Variants in ABCG2 observed in about 807,000 individuals in gnomAD.
ABCG2 encodes the protein ATP binding cassette subfamily G member 2 (JR blood group), also known as broad substrate specificity ATP-binding cassette transporter ABCG2.
Under a neutral mutation model 73.5 loss-of-function variants are expected in ABCG2, and 80 were observed. The ratio of observed to expected loss-of-function variants is 1.09; its 90% CI spans 0.91 to 1.31. The LOEUF is 1.31. Among genes scored for constraint, ABCG2 ranks in the 50% most tolerant of loss-of-function variants. The probability of loss-of-function intolerance (pLI) is 0.00; values close to 1 mark genes in which losing one functional copy is unlikely to be tolerated. For missense variants in ABCG2, 796 were observed against 786.2 expected, an observed-to-expected ratio of 1.01 and a Z score of -0.15; for synonymous variants, 269 against 282.4, an observed-to-expected ratio of 0.95 and a Z score of 0.48.
chr4:88,205,581 C>T (rs1228563021), intron 1 of ABCG2, among the ~76,000 whole-genome samples: 2 of 152,196 alleles, frequency 1.3e-5, no homozygotes, highest in Non-Finnish European at 2.9e-5. Context: ...GGTCACCAGT[C>T]CCATCAGTTC....
At chr4:88,113,878 C>T (rs757774536) in intron 8 of ABCG2, among the ~76,000 whole-genome samples, 1 of 152,016 alleles carries the variant, frequency 6.6e-6, no homozygotes, top group African/African-American at 2.4e-5. Context: ...GCAAGAGAAT[C>T]GCTTGAACCA....
chr4:88,144,967 G>GAA (rs113016922), intron 1 of ABCG2, among the ~76,000 whole-genome samples: 1 of 143,888 alleles, frequency 6.9e-6, no homozygotes. Flanking sequence ...CTGAGAAGAG[G>GAA]AAAAAAAAAA....
chr4:88,111,262 T>C (rs1010612502), intron 9 of ABCG2, among the ~76,000 whole-genome samples: 1 of 152,244 alleles, frequency 6.6e-6, no homozygotes, highest in African/African-American at 2.4e-5. Flanking sequence ...ATTTCACTGT[T>C]GACAATAAGT....
Position 88,131,927 on chromosome 4 carries a change from G to A in ABCG2, c.264-10C>T. 1 of 1,596,634 alleles carries A rather than the reference G, an allele frequency of 6.3e-7. No homozygotes were observed. Among genetic ancestry groups the A allele is most frequent in the Non-Finnish European group, 8.6e-7 (1 of 1,164,480 alleles). On this transcript the variant is annotated splice_polypyrimidine_tract_variant and intron_variant, in intron 3 of 15. Coordinates refer to ENST00000237612, the MANE Select transcript of ABCG2 (RefSeq NM_004827.3). ...TAAGACATCTAATAACCTATAAGAG[G>A]ACATATATGTTGTGGGTCTAATAAC... is the stretch of plus-strand genomic sequence containing the variant.
chr4:88,231,424 C>T (rs1437355238), upstream of ABCG2: 4 of 152,128 alleles, frequency 2.6e-5, no homozygotes, highest in Non-Finnish European at 5.9e-5. Context: ...TTCTGGCATT[C>T]CTAGCAAGGG....
chr4:88,194,769 G>C (rs1728873502), intron 1 of ABCG2, among the ~76,000 whole-genome samples: 1 of 152,096 alleles, frequency 6.6e-6, no homozygotes, highest in African/African-American at 2.4e-5. Flanking sequence ...GAAAGCGCTT[G>C]GCATCTTGAA....
intron 1 of ABCG2, among the ~76,000 whole-genome samples, chr4:88,183,494 C>T (rs1251924021): frequency 1.3e-5 from 2 of 152,012 alleles, no homozygotes; most frequent in South Asian, 2.1e-4. Context: ...TGAATACACA[C>T]AACCAACTAA....
chr4:88,115,324 C>A (rs188630523), intron 7 of ABCG2, among the ~76,000 whole-genome samples: 102 of 143,810 alleles, frequency 7.1e-4, no homozygotes, highest in East Asian at 4.1e-4. Context: ...CCCTCTGTCA[C>A]CCAGGCTGGA....
intron 1 of ABCG2, among the ~76,000 whole-genome samples, chr4:88,192,333 C>T (rs1728723530): frequency 6.6e-6 from 1 of 152,042 alleles, no homozygotes; most frequent in African/African-American, 2.4e-5. Context: ...TATTTAAATT[C>T]ACTGGATTGT....
chr4:88,117,673 T>C (rs530830609), intron 7 of ABCG2, among the ~76,000 whole-genome samples: 3 of 152,252 alleles, frequency 2.0e-5, no homozygotes, highest in South Asian at 4.1e-4. Context: ...AGCATTTCCA[T>C]GAGTGCTCAT....
intron 1 of ABCG2, among the ~76,000 whole-genome samples, chr4:88,221,108 A>G (rs918534373): frequency 2.6e-5 from 4 of 152,124 alleles, no homozygotes; most frequent in Non-Finnish European, 5.9e-5. Context: ...ATCTCTACTA[A>G]TAATACAAAA....
intron 10 of ABCG2, among the ~76,000 whole-genome samples, chr4:88,105,142 A>G (rs1189497278): frequency 6.6e-6 from 1 of 152,242 alleles, no homozygotes. Context: ...TCACTCTGGT[A>G]AACTGCTGTT....
chr4:88,092,431 A>G (rs1272734852), intron 15 of ABCG2, 50 bp from the exon 16 acceptor site: 20 of 1,581,560 alleles, frequency 1.3e-5, no homozygotes, highest in African/African-American at 2.7e-5. Context: ...CATCCGTCAA[A>G]TGTTACTCAG....
chr4:88,170,904 G>T (rs1727730581), intron 1 of ABCG2, among the ~76,000 whole-genome samples: 1 of 152,148 alleles, frequency 6.6e-6, no homozygotes, highest in Non-Finnish European at 1.5e-5. Context: ...TACCATGAGG[G>T]TGTAAGACAT....
At chr4:88,140,169 C>A (rs1560706882) in intron 1 of ABCG2, among the ~76,000 whole-genome samples, 155 bp from the exon 2 acceptor site, 2 of 152,102 alleles carry the variant, frequency 1.3e-5, no homozygotes, top group Admixed American at 1.3e-4. Context: ...ATAAGAACAT[C>A]CTAAAAACCT....
chr4:88,144,426 TA>T (rs1293168619), intron 1 of ABCG2, among the ~76,000 whole-genome samples: 1 of 149,764 alleles, frequency 6.7e-6, no homozygotes, highest in African/African-American at 2.5e-5. Context: ...TGTTGCTTCC[TA>T]ACTAGCAAGG....
At chr4:88,159,564 T>TGTGAGTGA (rs3219191), upstream of ABCG2, among the ~76,000 whole-genome samples, 1 of 151,822 alleles carries the variant, frequency 6.6e-6, no homozygotes, top group Non-Finnish European at 1.5e-5. Flanking sequence ...CATCAGGCTT[T>TGTGAGTGA]GTGAGTGTAG....
intron 1 of ABCG2, among the ~76,000 whole-genome samples, chr4:88,150,357 C>T (rs1279041561): frequency 1.3e-5 from 2 of 152,118 alleles, no homozygotes; most frequent in Non-Finnish European, 2.9e-5. Context: ...TGAGGGTGGC[C>T]TTCTGGAGGA....
At chr4:88,210,664 C>G (rs1263512297) in intron 1 of ABCG2, among the ~76,000 whole-genome samples, 3 of 151,056 alleles carry the variant, frequency 2.0e-5, no homozygotes, top group African/African-American at 4.9e-5. Flanking sequence ...ACAATCATAG[C>G]TCACTGCAGC....
Sources: gnomAD v4.1 joint callset for allele counts (sites outside exome capture counted in the v4.1 genomes callset) on GRCh38, gnomAD v4.1.1 for gene constraint, MANE v1.5 for transcripts, NCBI Gene and HGNC (gene_info 2026-07-23, HGNC 2026-07-21) for gene names.